FARS2: variants seen among roughly 807,000 people sequenced by gnomAD.
The protein encoded by FARS2 is phenylalanyl-tRNA synthetase 2, mitochondrial.
In FARS2, 40 loss-of-function variants were observed where a neutral mutation model predicts 46.4. The ratio of observed to expected loss-of-function variants is 0.86; its 90% CI spans 0.67 to 1.12. The LOEUF (loss-of-function observed/expected upper bound fraction) is 1.12, where lower values mean the gene tolerates loss of function less well. Among genes scored for constraint, FARS2 ranks in the 50% most tolerant of loss-of-function variants. The pLI is 0.00. For missense variants in FARS2, 513 were observed against 567.9 expected, an observed-to-expected ratio of 0.90 and a Z score of 0.98; for synonymous variants, 234 against 214.9, an observed-to-expected ratio of 1.09 and a Z score of -0.78.
intron 6 of FARS2, among the ~76,000 whole-genome samples, chr6:5,703,680 A>G (rs558869370): frequency 2.0e-5 from 3 of 152,154 alleles, no homozygotes; most frequent in Non-Finnish European, 2.9e-5. Flanking sequence ...TCAACCTACC[A>G]TCTTGGCCTG....
intron 4 of FARS2, among the ~76,000 whole-genome samples, chr6:5,528,216 ATGGAGG>A (rs1164797029): frequency 6.6e-6 from 1 of 151,798 alleles, no homozygotes; most frequent in Non-Finnish European, 1.5e-5. Context: ...AAAAAAAGAG[ATGGAGG>A]TTTCACTCTG....
intron 4 of FARS2, among the ~76,000 whole-genome samples, chr6:5,523,367 G>T (rs1306099981): frequency 6.6e-6 from 1 of 152,140 alleles, no homozygotes; most frequent in African/African-American, 2.4e-5. Flanking sequence ...TTTTTGACTG[G>T]TAGAGTTGGA....
intron 1 of FARS2, among the ~76,000 whole-genome samples, chr6:5,274,685 T>C (rs1766205533): frequency 6.6e-6 from 1 of 152,172 alleles, no homozygotes; most frequent in South Asian, 2.1e-4. Flanking sequence ...GCCACGATTA[T>C]TTAGTCTTTC....
At chr6:5,699,710 T>C (rs765679550) in intron 6 of FARS2, among the ~76,000 whole-genome samples, 8 of 152,158 alleles carry the variant, frequency 5.3e-5, no homozygotes, top group Non-Finnish European at 1.0e-4. Flanking sequence ...GGTTTCACCA[T>C]GCTGGCCAGG....
At chr6:5,539,384 G>GTGTATATATATATATATA in intron 4 of FARS2, among the ~76,000 whole-genome samples, 1,142 of 79,544 alleles carry the variant, frequency 0.014, 106 homozygotes, top group African/African-American at 0.045. Context: ...TTTTTTTTGT[G>GTGTATATATATATATATA]TATATATATA....
At chr6:5,611,347 G>T (rs1283938532) in intron 5 of FARS2, among the ~76,000 whole-genome samples, 1 of 152,150 alleles carries the variant, frequency 6.6e-6, no homozygotes, top group Non-Finnish European at 1.5e-5. Flanking sequence ...ACAGAACGTC[G>T]GAAAGAGGTA....
At chr6:5,341,903 T>A (rs1250886030) in intron 1 of FARS2, among the ~76,000 whole-genome samples, 2 of 152,188 alleles carry the variant, frequency 1.3e-5, no homozygotes, top group Non-Finnish European at 2.9e-5. Flanking sequence ...AATTTCCAGT[T>A]CTTACCTGAG....
At chr6:5,308,622 T>G (rs1768886495) in intron 1 of FARS2, among the ~76,000 whole-genome samples, 1 of 152,264 alleles carries the variant, frequency 6.6e-6, no homozygotes, top group South Asian at 2.1e-4. Flanking sequence ...TCTCGCCCTG[T>G]GTCCTTACCT....
At chr6:5,687,577 T>C (rs1185133319) in intron 6 of FARS2, among the ~76,000 whole-genome samples, 1 of 152,226 alleles carries the variant, frequency 6.6e-6, no homozygotes, top group Non-Finnish European at 1.5e-5. Context: ...TTGGTACCAA[T>C]ACCATGCTGT....
chr6:5,435,306 G>A (rs527343640), intron 4 of FARS2, among the ~76,000 whole-genome samples: 1 of 152,322 alleles, frequency 6.6e-6, no homozygotes, highest in African/African-American at 2.4e-5. Flanking sequence ...CTAAGGAAGG[G>A]CTATGCCACC....
At chr6:5,532,764 G>GTAATAATAATAA (rs113215364) in intron 4 of FARS2, among the ~76,000 whole-genome samples, 17 of 148,804 alleles carry the variant, frequency 1.1e-4, no homozygotes, top group African/African-American at 4.3e-4. Flanking sequence ...AGTAGTAGTA[G>GTAATAATAATAA]TAATAATAAT....
intron 4 of FARS2, among the ~76,000 whole-genome samples, chr6:5,543,377 G>GTTTT (rs33960204): frequency 4.2e-5 from 6 of 143,964 alleles, no homozygotes; most frequent in Non-Finnish European, 4.5e-5. Flanking sequence ...GTTGGTGGTG[G>GTTTT]TTTTTTTTTT....
chr6:5,543,556 G>A (rs1185625483), intron 4 of FARS2, among the ~76,000 whole-genome samples: 2 of 151,934 alleles, frequency 1.3e-5, no homozygotes, highest in African/African-American at 4.8e-5. Context: ...GTAGAGACGG[G>A]GTTTCACTGT....
intron 3 of FARS2, among the ~76,000 whole-genome samples, chr6:5,416,454 G>A (rs1762244763): frequency 6.6e-6 from 1 of 151,974 alleles, no homozygotes; most frequent in Non-Finnish European, 1.5e-5. Flanking sequence ...GTATGTCTGG[G>A]GCTATTTCTG....
chr6:5,386,020 T>TA (rs764905579), intron 2 of FARS2, among the ~76,000 whole-genome samples: 161 of 152,238 alleles, frequency 1.1e-3, no homozygotes, highest in Non-Finnish European at 1.9e-3. Flanking sequence ...TAAAATAAGA[T>TA]ATTGACTAAG....
chr6:5,382,338 A>G (rs530329554), intron 2 of FARS2, among the ~76,000 whole-genome samples: 1 of 152,354 alleles, frequency 6.6e-6, no homozygotes, highest in East Asian at 1.9e-4. Context: ...CAACTCTTTC[A>G]TCTCTTTAAT....
intron 4 of FARS2, among the ~76,000 whole-genome samples, chr6:5,530,195 T>C (rs1769735021): frequency 6.6e-6 from 1 of 152,134 alleles, no homozygotes; most frequent in African/African-American, 2.4e-5. Flanking sequence ...CATAGCACTT[T>C]TGTAGTGTTA....
chr6:5,340,505 C>G (rs1388255662), intron 1 of FARS2, among the ~76,000 whole-genome samples: 1 of 152,074 alleles, frequency 6.6e-6, no homozygotes, highest in Admixed American at 6.5e-5. Context: ...TGTAAATACA[C>G]GAGCCCGTAA....
intron 1 of FARS2, among the ~76,000 whole-genome samples, chr6:5,303,438 G>A (rs1366591668): frequency 1.3e-5 from 2 of 152,036 alleles, no homozygotes; most frequent in Admixed American, 6.5e-5. Flanking sequence ...AGGTGAAGTC[G>A]GTTGCCATCT....
Sources: allele counts gnomAD v4.1 joint callset (sites outside exome capture counted in the v4.1 genomes callset), GRCh38; gene constraint gnomAD v4.1.1; transcripts MANE v1.5; gene names NCBI Gene and HGNC (gene_info 2026-07-23, HGNC 2026-07-21).